KMT2D: variants seen among roughly 807,000 people sequenced by gnomAD.
The protein encoded by KMT2D is histone-lysine N-methyltransferase 2D.
In KMT2D, 55 loss-of-function variants were observed where a neutral mutation model predicts 512.7. The ratio of observed to expected loss-of-function variants is 0.11; its 90% CI spans 0.09 to 0.13. The LOEUF is 0.13. KMT2D is among the 10% of genes least tolerant of loss of function. KMT2D has a pLI of 1.00. For missense variants in KMT2D, 6,061 were observed against 7,127.9 expected (o/e 0.85, Z 5.39); for synonymous variants, 2,995 against 2,904.0 (o/e 1.03, Z -1.01).
Position 49,028,064 on chromosome 12 carries a change from T to G in KMT2D, c.14460A>C (p.Pro4820=). Reference sequence around the variant, plus strand: ...CAGTGCCTGCCCGGGCGGGGCTCTCTGGGAACAGCACCTCATAGGAGTTGG... The same window carrying G: ...CAGTGCCTGCCCGGGCGGGGCTCTCGGGGAACAGCACCTCATAGGAGTTGG... ...KIPNSYEVLF[P]ESPARAGTEP... The change falls in exon 47 of 55, where the codon CCA becomes CCC. Residue 4820 remains proline, a synonymous_variant. Coordinates refer to ENST00000301067, the MANE Select transcript of KMT2D (RefSeq NM_003482.4). 1 of 1,613,990 alleles carries G rather than the reference T, an allele frequency of 6.2e-7. No homozygotes were observed. The highest frequency in any genetic ancestry group is 8.5e-7 in the Non-Finnish European group (1 of 1,179,876).
Position 49,033,661 on chromosome 12 carries a change from G to C in KMT2D, c.11044C>G (p.Gln3682Glu), listed in dbSNP as rs1223171002. Residue 3682 changes from glutamine to glutamate, a missense_variant, in exon 40 of 55, where the codon CAA becomes GAA. Physicochemically the swap from Gln to Glu is conservative, Grantham distance 29. Around this residue, in one of 16 missense-constraint regions of KMT2D, gnomAD observed 1,600 missense variants for 1,754.9 expected, o/e 0.91. Coordinates refer to ENST00000301067, the MANE Select transcript of KMT2D (RefSeq NM_003482.4). ...CCAGCCCCACCAGAATGTTGCTGTTGCTGCTGTTGGGCCAGAGCTGTATTA... is the reference window on the plus strand; with the variant it reads ...CCAGCCCCACCAGAATGTTGCTGTTCCTGCTGTTGGGCCAGAGCTGTATTA... ...FLNTALAQQQQQQHSGGAGSL... is the reference protein window; with the variant it reads ...FLNTALAQQQEQQHSGGAGSL... 3 of 1,613,768 alleles carry C rather than the reference G, an allele frequency of 1.9e-6. No individual in the cohort carries two copies. Among genetic ancestry groups the C allele is most frequent in the Non-Finnish European group, 2.5e-6 (3 of 1,179,882 alleles).
At chr12:49,055,223 A>T in intron 2 of KMT2D, 53 bp downstream of exon 2, 1 of 1,600,356 alleles carries the variant, frequency 6.2e-7, no homozygotes, top group South Asian at 1.1e-5. Flanking sequence ...AGGACCAGAA[A>T]TGTAAGGTTG....
chr12:49,055,215 G>A (rs2120717482), intron 2 of KMT2D, 61 bp downstream of exon 2: 1 of 1,589,820 alleles, frequency 6.3e-7, no homozygotes, highest in Non-Finnish European at 8.6e-7. Flanking sequence ...CTTGTGCCAG[G>A]ACCAGAAATG....
At position 49,044,787 on chromosome 12, in the gene KMT2D, C is replaced by T. The variant is rs776447702; in HGVS notation, c.4920G>A (p.Lys1640=). The change falls in exon 20 of 55, where the codon AAG becomes AAA. Residue 1640 remains lysine, a synonymous_variant. Coordinates refer to ENST00000301067, the MANE Select transcript of KMT2D (RefSeq NM_003482.4). The surrounding 1 kb of genome is among the most constrained non-coding windows in gnomAD (Gnocchi z 6.4). ...CATCGGTGTCCAGGTCCCCATCCTT[C>T]TTGTCATCAGGGCCAAGGGCATCTG... The part of the protein sequence containing the change: ...EPSDALGPDD[K]KDGDLDTDEL... 3 of 1,614,030 alleles carry T rather than the reference C, an allele frequency of 1.9e-6. No individual in the cohort carries two copies. The highest frequency in any genetic ancestry group is 2.5e-6 in the Non-Finnish European group (3 of 1,179,892).
rs398123703 is a variant in KMT2D, at chr12:49,052,896, G to C, written c.1112+19C>G. ...CTTCCAACCTGCCAGCCCAATCTCA[G>C]TCAGTCCCCACCACTTACCTGCTAC... On this transcript the variant is annotated intron_variant, in intron 9 of 54. Transcript: ENST00000301067. 6.2e-7 allele frequency: 1 copy of C among 1,612,968 alleles called. No homozygotes were observed. The highest frequency in any genetic ancestry group is 1.1e-5 in the South Asian group (1 of 91,080).
rs1350273198 is a variant in KMT2D, at chr12:49,040,365, G to A, written c.7405C>T (p.Pro2469Ser). The A allele has an allele frequency of 3.8e-6, 6 of 1,565,934 alleles. No homozygotes were observed. In the East Asian group the frequency reaches 1.1e-4, roughly 29 times the overall value. Residue 2469 changes from proline (P) to serine (S), a missense_variant, in exon 32 of 55, where the codon CCA becomes TCA. Physicochemically the swap from Pro to Ser is moderately conservative, Grantham distance 74. Coordinates refer to ENST00000301067, the MANE Select transcript of KMT2D (RefSeq NM_003482.4). ...SRDPFAPLHK[P>S]PRPQPPEVAF... ...ACTTCAGGGGGCTGGGGTCGGGGTG[G>A]CTTATGCAATGGGGCAAATGGGTCA...
chr12:49,035,082 G>A (rs943106704), intron 35 of KMT2D, 147 bp from the exon 36 acceptor site: 49 of 1,012,282 alleles, frequency 4.8e-5, no homozygotes, highest in East Asian at 3.4e-4. Context: ...GGAGCCAGTC[G>A]GCCTGGGTGA....
At position 49,041,497 on chromosome 12, in the gene KMT2D, G is replaced by A. The variant is rs1244813879; in HGVS notation, c.6273C>T (p.Gly2091=). The change falls in exon 32 of 55, where the codon GGC becomes GGT. Residue 2091 remains glycine, a synonymous_variant. Transcript: ENST00000301067. The surrounding 1 kb of genome is among the most constrained non-coding windows in gnomAD (Gnocchi z 5.4). The part of the protein sequence containing the change: ...ESQINKQTKV[G]DIARKTDRPA... ...GTCGGTCAGTCTTACGGGCTATGTC[G>A]CCCACCTTGGTCTGCTTGTTGATCT... The A allele has an allele frequency of 4.3e-6, 7 of 1,613,410 alleles. No homozygotes were observed. Among genetic ancestry groups the A allele is most frequent in the African/African-American group, 2.7e-5 (2 of 74,850 alleles).
rs1341612248 is a variant in KMT2D, at chr12:49,049,815, C to T, written c.3773G>A (p.Arg1258Gln). Residue 1258 changes from arginine to glutamine, a missense_variant, in exon 12 of 55, where the codon CGG becomes CAG. This residue lies in a region of KMT2D where 447 missense variants were observed against 500.1 expected (regional missense o/e 0.89). Transcript: ENST00000301067. ...CTCTGGCAGTGAGTCAGTACAGAGC[C>T]GTAGGGAGCCCTCATCTCGGGCTGG... ...VSPARDEGSL[R>Q]LCTDSLPETD... 7 of 1,613,944 alleles carry T rather than the reference C, an allele frequency of 4.3e-6. No individual in the cohort carries two copies. The highest frequency in any genetic ancestry group is 2.2e-5 in the South Asian group (2 of 91,086).
rs559685257 is a variant in KMT2D at position 49,041,385 on chromosome 12, G to A, written c.6385C>T (p.Pro2129Ser). Residue 2129 changes from proline (P) to serine (S), a missense_variant, in exon 32 of 55, where the codon CCC becomes TCC. This residue lies in a region of KMT2D where 710 missense variants were observed against 647.3 expected (regional missense o/e 1.10). Coordinates refer to ENST00000301067, the MANE Select transcript of KMT2D (RefSeq NM_003482.4). This position sits in a 1 kb window ranked among gnomAD's most constrained non-coding sequence, Gnocchi z 5.4. ...AAAPTIFIGSPTTPAGLSTSA... is the reference protein window; with the variant it reads ...AAAPTIFIGSSTTPAGLSTSA... Reference sequence around the variant, plus strand: ...GTAGACAAGCCGGCGGGGGTAGTGGGGCTGCCAATGAAAATGGTGGGGGCA... The same window carrying A: ...GTAGACAAGCCGGCGGGGGTAGTGGAGCTGCCAATGAAAATGGTGGGGGCA... 1.2e-6 allele frequency: 2 copies of A among 1,601,726 alleles called. No individual in the cohort carries two copies.
At position 49,043,999 on chromosome 12, in the gene KMT2D, C is replaced by T; in HGVS notation, c.5189-1G>A. 1 of 1,614,040 alleles carries T rather than the reference C, an allele frequency of 6.2e-7. No individual in the cohort carries two copies. Among genetic ancestry groups the T allele is most frequent in the Non-Finnish European group, 8.5e-7 (1 of 1,179,892 alleles). ...TCTGCAGGCAGGTCAGCAGGTATCA[C>T]TGTGGACAGAACGGAAGTGTCAGAC... On this transcript the variant is annotated splice_acceptor_variant, in intron 22 of 54. Transcript: ENST00000301067. LOFTEE classifies it high-confidence loss of function.
Position 49,041,061 on chromosome 12 carries a change from G to T in KMT2D, c.6709C>A (p.Gln2237Lys), listed in dbSNP as rs1305346926. The T allele has an allele frequency of 6.5e-7, 1 of 1,538,256 alleles. No individual in the cohort carries two copies. Among genetic ancestry groups the T allele is most frequent in the Non-Finnish European group, 8.7e-7 (1 of 1,144,128 alleles). ...HTTPPGTPRH[Q>K]PSTPDPFLKP... is the part of the protein sequence containing the mutation. Reference sequence around the variant, plus strand: ...AGGAATGGGTCAGGTGTGGAGGGCTGGTGTCTGGGGGTGCCAGGTGGGGTA... The same window carrying T: ...AGGAATGGGTCAGGTGTGGAGGGCTTGTGTCTGGGGGTGCCAGGTGGGGTA... Residue 2237 changes from glutamine (Q) to lysine (K), a missense_variant, in exon 32 of 55, where the codon CAG becomes AAG. Around this residue, in one of 16 missense-constraint regions of KMT2D, gnomAD observed 710 missense variants for 647.3 expected, o/e 1.10. Coordinates refer to ENST00000301067, the MANE Select transcript of KMT2D (RefSeq NM_003482.4). This position sits in a 1 kb window ranked among gnomAD's most constrained non-coding sequence, Gnocchi z 5.4.
chr12:49,050,121 T>G lies in KMT2D; in HGVS notation c.3467A>C (p.Asp1156Ala). 6.2e-7 allele frequency: 1 copy of G among 1,613,226 alleles called. No individual in the cohort carries two copies. The highest frequency in any genetic ancestry group is 8.5e-7 in the Non-Finnish European group (1 of 1,179,636). ...SELKGSPVLL[D>A]PEELAPVTPM... is the part of the protein sequence containing the mutation. ...GGTCACAGGGGCCAGCTCCTCGGGG[T>G]CCAGGAGCACAGGGGAGCCTTTAAG... The change falls in exon 12 of 55, where the codon GAC (aspartate) becomes GCC (alanine). Residue 1156 changes from aspartate to alanine, a missense_variant. Asp to Ala is a moderately radical substitution (Grantham distance 126). This residue lies in a region of KMT2D where 447 missense variants were observed against 500.1 expected (regional missense o/e 0.89). Transcript: ENST00000301067.
rs767189990 is a variant in KMT2D at position 49,027,135 on chromosome 12, G to T, written c.14831C>A (p.Pro4944Gln). 6.3e-7 allele frequency: 1 copy of T among 1,580,246 alleles called. No homozygotes were observed. Among genetic ancestry groups the T allele is most frequent in the Non-Finnish European group, 8.6e-7 (1 of 1,160,494 alleles). Residue 4944 changes from proline to glutamine, a missense_variant, in exon 49 of 55, where the codon CCA becomes CAA. Pro to Gln is a moderately conservative substitution (Grantham distance 76, BLOSUM62 -1). Transcript: ENST00000301067. ...CAGTGGCAGAGGTGAGGGGACGGGT[G>T]GCTCAGCCAAGGGTTCGGTGGGAAG... Reference protein sequence around the residue: ...VELPTEPLAEPPVPSPLPLAS... With the variant: ...VELPTEPLAEQPVPSPLPLAS...
rs79914818 is a variant in KMT2D at position 49,044,632 on chromosome 12, G to A, written c.4964-110C>T. On this transcript the variant is annotated intron_variant, in intron 20 of 54. Coordinates refer to ENST00000301067, the MANE Select transcript of KMT2D (RefSeq NM_003482.4). The surrounding 1 kb of genome is among the most constrained non-coding windows in gnomAD (Gnocchi z 6.4). The stretch of plus-strand genomic sequence containing the variant: ...TACCTTGCCTCAGAGCCACTTAGAC[G>A]AGACAGCAGTGCTTAAGGGTAACTG... 0.019 allele frequency: 28,833 copies of A among 1,550,888 alleles called. 351 individuals are homozygous for A. The highest frequency in any genetic ancestry group is 0.022 in the Non-Finnish European group (24,870 of 1,140,046).
chr12:49,027,149 T>C lies in KMT2D; in HGVS notation c.14817A>G (p.Glu4939=), dbSNP rs780027821. The C allele has an allele frequency of 6.4e-7, 1 of 1,569,552 alleles. No individual in the cohort carries two copies. The highest frequency in any genetic ancestry group is 1.8e-5 in the Admixed American group (1 of 56,688). The change falls in exon 49 of 55, where the codon GAA becomes GAG. Residue 4939 remains glutamate (E), a synonymous_variant. Coordinates refer to ENST00000301067, the MANE Select transcript of KMT2D (RefSeq NM_003482.4). ...AGGGGACGGGTGGCTCAGCCAAGGGTTCGGTGGGAAGTTCAACCAAGGGCT... is the reference window on the plus strand; with the variant it reads ...AGGGGACGGGTGGCTCAGCCAAGGGCTCGGTGGGAAGTTCAACCAAGGGCT... ...PTEPLVELPT[E]PLAEPPVPSP...
intron 23 of KMT2D, 23 bp from the exon 24 acceptor site, chr12:49,043,805 C>T (rs2120573553): frequency 6.2e-7 from 1 of 1,612,760 alleles, no homozygotes; most frequent in Non-Finnish European, 8.5e-7. Flanking sequence ...CAAGGAGAAA[C>T]AGTTTTCTTC....
Position 49,044,216 on chromosome 12 carries a change from A to G in KMT2D, c.5172T>C (p.Asp1724=). 6.2e-7 allele frequency: 1 copy of G among 1,611,824 alleles called. No homozygotes were observed. Among genetic ancestry groups the G allele is most frequent in the Non-Finnish European group, 8.5e-7 (1 of 1,179,734 alleles). Residue 1724 remains aspartate, a synonymous_variant, in exon 22 of 55, where the codon GAT becomes GAC. Transcript: ENST00000301067. This position sits in a 1 kb window ranked among gnomAD's most constrained non-coding sequence, Gnocchi z 6.4. ...PAAQAEVLSG[D]GQPDEVIPAD... Reference sequence around the variant, plus strand: ...CCGTCTCACCCTCGTCGGGCTGCCCATCCCCACTCAACACCTCCGCCTGTG... The same window carrying G: ...CCGTCTCACCCTCGTCGGGCTGCCCGTCCCCACTCAACACCTCCGCCTGTG...
chr12:49,033,595 G>C lies in KMT2D; in HGVS notation c.11110C>G (p.Leu3704Val), dbSNP rs1387823001. 2 of 1,613,482 alleles carry C rather than the reference G, an allele frequency of 1.2e-6. No individual in the cohort carries two copies. Among genetic ancestry groups the C allele is most frequent in the Non-Finnish European group, 1.7e-6 (2 of 1,179,862 alleles). Residue 3704 changes from leucine (L) to valine (V), a missense_variant, in exon 40 of 55, where the codon CTT becomes GTT. By Grantham distance (32) the Leu-to-Val change is conservative. This residue lies in a region of KMT2D where 1,600 missense variants were observed against 1,754.9 expected (regional missense o/e 0.91). Coordinates refer to ENST00000301067, the MANE Select transcript of KMT2D (RefSeq NM_003482.4). ...TCAGGTCCGAGGCTTCGAAGAGCAA[G>C]GTTGCCAGGGAAGAAGCCCCCTGAA... The part of the protein sequence containing the change: ...GPSGGFFPGN[L>V]ALRSLGPDSR...
Sources: allele counts gnomAD v4.1 joint callset, GRCh38; gene constraint gnomAD v4.1.1; regional missense constraint gnomAD v4.1.1; non-coding constraint Gnocchi (gnomAD v3.1); transcripts MANE v1.5; gene names NCBI Gene and HGNC (gene_info 2026-07-23, HGNC 2026-07-21).